Variants in APBA2 observed in about 807,000 individuals in gnomAD.
APBA2 encodes amyloid beta precursor protein binding family A member 2.
Under a neutral mutation model 75.0 loss-of-function variants are expected in APBA2, and 30 were observed. The observed-to-expected ratio is 0.40, with a 90% CI of 0.30 to 0.54. APBA2 has a LOEUF of 0.54. Among genes scored for constraint, APBA2 ranks in the 20% least tolerant of loss-of-function variants. APBA2 has a pLI of 0.49. For missense variants in APBA2, 801 were observed against 1,016.1 expected (o/e 0.79, Z 2.88); for synonymous variants, 444 against 409.6 (o/e 1.08, Z -1.01).
At chr15:28,887,860 T>C (rs1008351056) in intron 1 of APBA2, among the ~76,000 whole-genome samples, 34 of 152,154 alleles carry the variant, frequency 2.2e-4, no homozygotes, top group African/African-American at 8.0e-4. Context: ...GCATTAGCGA[T>C]GGGGCACCGA....
At chr15:29,010,216 G>C (rs181644991) in intron 3 of APBA2, among the ~76,000 whole-genome samples, 3 of 152,126 alleles carry the variant, frequency 2.0e-5, no homozygotes, top group Admixed American at 2.0e-4. Flanking sequence ...GCAAGTTTTT[G>C]CTCATTTTTC....
chr15:28,914,569 G>A (rs1479517780), intron 1 of APBA2, among the ~76,000 whole-genome samples: 2 of 152,048 alleles, frequency 1.3e-5, no homozygotes, highest in Middle Eastern at 3.4e-3. Context: ...TCCTCCTCCC[G>A]TGCAGTGCAT....
chr15:29,097,722 C>T (rs187576407), intron 8 of APBA2, among the ~76,000 whole-genome samples: 7 of 152,260 alleles, frequency 4.6e-5, no homozygotes, highest in Non-Finnish European at 5.9e-5. Flanking sequence ...ATATTATTAA[C>T]GGTAGTCACC....
chr15:29,048,099 A>G (rs2041427260), intron 3 of APBA2, among the ~76,000 whole-genome samples: 1 of 152,224 alleles, frequency 6.6e-6, no homozygotes, highest in African/African-American at 2.4e-5. Flanking sequence ...TTGTAATCCC[A>G]GCACTTTGGG....
At chr15:29,002,846 T>C (rs1300197901) in intron 3 of APBA2, among the ~76,000 whole-genome samples, 1 of 151,916 alleles carries the variant, frequency 6.6e-6, no homozygotes, top group Non-Finnish European at 1.5e-5. Context: ...GAGTGCACCC[T>C]GGGGAGGGCG....
intron 1 of APBA2, among the ~76,000 whole-genome samples, chr15:28,916,714 C>T (rs1350779688): frequency 6.6e-6 from 1 of 152,240 alleles, no homozygotes; most frequent in Non-Finnish European, 1.5e-5. Flanking sequence ...AAAAACAGGC[C>T]TGTAAGATCC....
At chr15:28,966,875 C>T (rs925912663) in intron 2 of APBA2, among the ~76,000 whole-genome samples, 1 of 152,176 alleles carries the variant, frequency 6.6e-6, no homozygotes, top group African/African-American at 2.4e-5. Context: ...TGTCAGCCTA[C>T]TGGTGTCAGA....
At chr15:28,915,424 C>G (rs1320137715) in intron 1 of APBA2, among the ~76,000 whole-genome samples, 5 of 150,624 alleles carry the variant, frequency 3.3e-5, no homozygotes, top group Non-Finnish European at 1.5e-5. Context: ...ACACACCACA[C>G]ACATACCATA....
intron 3 of APBA2, among the ~76,000 whole-genome samples, chr15:29,017,397 C>CTTTTTTTTTTTTTTTTTT (rs56993296): frequency 3.3e-4 from 34 of 102,052 alleles, no homozygotes; most frequent in Admixed American, 5.8e-4. Flanking sequence ...TTCTTTCTTT[C>CTTTTTTTTTTTTTTTTTT]TTTTTTTTTT....
chr15:28,981,457 T>C (rs1247079310), intron 2 of APBA2, among the ~76,000 whole-genome samples: 1 of 152,180 alleles, frequency 6.6e-6, no homozygotes, highest in Non-Finnish European at 1.5e-5. Context: ...CACAGTGAGA[T>C]ACCATCTCAC....
chr15:29,117,364 AGTATTTTGCCACG>A lies in APBA2; in HGVS notation c.*232_*244del. The A allele has an allele frequency of 1.7e-6, 1 of 590,848 alleles. No individual in the cohort carries two copies. The highest frequency in any genetic ancestry group is 2.0e-5 in the South Asian group (1 of 50,508). 36.6% of individuals were successfully genotyped at this position (590,848 alleles called of 1,614,324 possible). ...AAATGTTTGTTTGTAAAGCGTTCCAAGTATTTTGCCACGTTCTGGACTGTCTTCTCCCTGCACA... is the reference window on the plus strand; with the variant it reads ...AAATGTTTGTTTGTAAAGCGTTCCAATTCTGGACTGTCTTCTCCCTGCACA... On this transcript the variant is annotated 3_prime_UTR_variant, in exon 15 of 15. Coordinates refer to ENST00000683413, the MANE Select transcript of APBA2 (RefSeq NM_001353788.2).
chr15:28,967,420 C>T (rs930307552), intron 2 of APBA2, among the ~76,000 whole-genome samples: 2 of 152,150 alleles, frequency 1.3e-5, no homozygotes, highest in African/African-American at 4.8e-5. Context: ...TCAGGTTCCT[C>T]TCTCCATCCC....
intron 2 of APBA2, among the ~76,000 whole-genome samples, chr15:28,931,427 C>T (rs1479421194): frequency 2.6e-5 from 4 of 152,214 alleles, no homozygotes; most frequent in African/African-American, 9.6e-5. Context: ...GCCACTGCCT[C>T]CTGTGCCCCC....
At chr15:29,100,375 C>T (rs1173938164) in intron 9 of APBA2, among the ~76,000 whole-genome samples, 1 of 152,222 alleles carries the variant, frequency 6.6e-6, no homozygotes, top group Non-Finnish European at 1.5e-5. Flanking sequence ...GCATGCACTG[C>T]AAAGTGGATT....
In APBA2 at chr15:28,999,879, G is replaced by A. The variant is rs113290652; in HGVS notation, c.-41+4073G>A. 6.6e-3 allele frequency among the ~76,000 whole-genome samples: 1,005 copies of A among 152,296 alleles called. 13 individuals are homozygous for A. Among genetic ancestry groups the A allele is most frequent in the African/African-American group, 0.023 (958 of 41,570 alleles). On this transcript the variant is annotated intron_variant, in intron 3 of 14. Transcript: ENST00000683413. ...GACCCAGGGAAGCCAGTATTGTAGT[G>A]CAAAGGCCTGGAAAGCAGAGAACTG...
chr15:29,036,478 G>A (rs2040758955), intron 3 of APBA2, among the ~76,000 whole-genome samples: 1 of 152,090 alleles, frequency 6.6e-6, no homozygotes, highest in African/African-American at 2.4e-5. Flanking sequence ...AGGGGTGGTG[G>A]GAGCAGCTCT....
chr15:28,910,735 T>G (rs1029792162), intron 1 of APBA2, among the ~76,000 whole-genome samples: 1 of 152,232 alleles, frequency 6.6e-6, no homozygotes, highest in African/African-American at 2.4e-5. Context: ...TTGGAAATCC[T>G]AAAAGGCAAT....
rs561326558 is a variant in APBA2 at position 28,905,450 on chromosome 15, A to G, written c.-204-16190A>G. On this transcript the variant is annotated intron_variant, in intron 1 of 14. Coordinates refer to ENST00000683413, the MANE Select transcript of APBA2 (RefSeq NM_001353788.2). ...GCTTGTCTATTTTGTTTCATTCTCC[A>G]ATACTGAGAAGTCTTTAATAACTAG... Among the ~76,000 whole-genome samples, 13 of 152,336 alleles carry G rather than the reference A, an allele frequency of 8.5e-5. No homozygotes were observed. The East Asian group carries it at 1.7e-3, about 20-fold the overall frequency.
chr15:28,916,197 T>C (rs1228355235), intron 1 of APBA2, among the ~76,000 whole-genome samples: 1 of 152,192 alleles, frequency 6.6e-6, no homozygotes, highest in Non-Finnish European at 1.5e-5. Flanking sequence ...CCTGGTCTTG[T>C]GGGAGGCTGG....
Sources: gnomAD v4.1 joint callset for allele counts (sites outside exome capture counted in the v4.1 genomes callset) on GRCh38, gnomAD v4.1.1 for gene constraint, MANE v1.5 for transcripts, NCBI Gene and HGNC (gene_info 2026-07-23, HGNC 2026-07-21) for gene names.